Variants in MACROD2 observed in about 807,000 individuals in gnomAD.
MACROD2 encodes ADP-ribose glycohydrolase MACROD2.
MACROD2 carries 36 observed loss-of-function variants against 70.4 expected under a neutral mutation model. That is an observed-to-expected ratio of 0.51 (90% CI 0.39 to 0.68). The LOEUF is 0.68. Ranked by LOEUF, MACROD2 falls within the 30% of genes least tolerant of loss-of-function variation. The pLI, the probability that MACROD2 is intolerant of heterozygous loss-of-function variation, is 0.00. For missense variants in MACROD2, 496 were observed against 538.4 expected (o/e 0.92, Z 0.78); for synonymous variants, 172 against 178.8 (o/e 0.96, Z 0.30).
intron 3 of MACROD2, among the ~76,000 whole-genome samples, chr20:14,311,193 T>C (rs1397026528): frequency 1.3e-5 from 2 of 152,176 alleles, no homozygotes. Context: ...TCCTCCAAGC[T>C]CCATTTGTGG....
chr20:15,221,949 G>A (rs1016268447), intron 5 of MACROD2, among the ~76,000 whole-genome samples: 1 of 152,150 alleles, frequency 6.6e-6, no homozygotes, highest in Non-Finnish European at 1.5e-5. Flanking sequence ...TAGTTGCTGT[G>A]TATGTAACCT....
intron 4 of MACROD2, among the ~76,000 whole-genome samples, chr20:14,639,258 AT>A (rs774726455): frequency 5.9e-5 from 9 of 151,938 alleles, no homozygotes; most frequent in African/African-American, 1.7e-4. Context: ...AGTAAGCTTA[AT>A]TTTTTTTAAT....
chr20:15,739,304 A>G (rs549874418), intron 8 of MACROD2, among the ~76,000 whole-genome samples: 5 of 152,328 alleles, frequency 3.3e-5, no homozygotes, highest in African/African-American at 4.8e-5. Flanking sequence ...CCCTTTCACA[A>G]TTGTAAATAA....
chr20:14,991,379 G>C (rs1238223702), intron 5 of MACROD2, among the ~76,000 whole-genome samples: 1 of 151,958 alleles, frequency 6.6e-6, no homozygotes, highest in Non-Finnish European at 1.5e-5. Context: ...ATTACAGTGA[G>C]AAAAATAAGA....
chr20:15,215,896 CT>C (rs1390414936), intron 5 of MACROD2, among the ~76,000 whole-genome samples: 1 of 151,998 alleles, frequency 6.6e-6, no homozygotes, highest in African/African-American at 2.4e-5. Context: ...CAAGGAAATA[CT>C]CTATAATGTA....
intron 7 of MACROD2, among the ~76,000 whole-genome samples, chr20:15,452,388 C>T (rs1203332289): frequency 6.6e-6 from 1 of 151,828 alleles, no homozygotes; most frequent in Non-Finnish European, 1.5e-5. Context: ...TGAAAGGTGA[C>T]CCAAAAAAAG....
intron 3 of MACROD2, among the ~76,000 whole-genome samples, chr20:14,348,268 C>CAAAAA (rs545110146): frequency 1.2e-4 from 9 of 73,982 alleles, no homozygotes; most frequent in Non-Finnish European, 1.9e-4. Flanking sequence ...GACTCCGTCT[C>CAAAAA]AAAAAAAAAA....
At chr20:14,368,550 A>G (rs2083293881) in intron 3 of MACROD2, among the ~76,000 whole-genome samples, 1 of 152,008 alleles carries the variant, frequency 6.6e-6, no homozygotes, top group Non-Finnish European at 1.5e-5. Context: ...CTCAAAAAAA[A>G]AACACACACA....
intron 8 of MACROD2, among the ~76,000 whole-genome samples, chr20:15,840,605 A>G (rs2064159854): frequency 6.6e-6 from 1 of 152,202 alleles, no homozygotes; most frequent in African/African-American, 2.4e-5. Flanking sequence ...GATGTAAAGG[A>G]CAAAATATTA....
rs144717614 is a variant in MACROD2, at chr20:14,100,426, TTAA to T, written c.271+14703_271+14705del. 7.7e-3 allele frequency among the ~76,000 whole-genome samples: 1,160 copies of T among 150,548 alleles called. 15 individuals carry two copies. Among genetic ancestry groups the T allele is most frequent in the African/African-American group, 0.026 (1,072 of 41,324 alleles). On this transcript the variant is annotated intron_variant, in intron 3 of 17. Coordinates refer to ENST00000684519, the MANE Select transcript of MACROD2 (RefSeq NM_001351661.2). Reference sequence around the variant, plus strand: ...AAGATTCGTCTAATTTCTTATAGTATTAATAATTTAAAGATATATCACATTAAT... The same window carrying T: ...AAGATTCGTCTAATTTCTTATAGTATTAATTTAAAGATATATCACATTAAT...
intron 5 of MACROD2, among the ~76,000 whole-genome samples, chr20:14,883,103 C>T (rs1431174140): frequency 6.6e-6 from 1 of 152,146 alleles, no homozygotes; most frequent in Admixed American, 6.5e-5. Flanking sequence ...ATTGACCTAA[C>T]ATGTTTTAAA....
chr20:15,477,433 T>C (rs1447851592), intron 7 of MACROD2, among the ~76,000 whole-genome samples: 1 of 152,186 alleles, frequency 6.6e-6, no homozygotes, highest in East Asian at 1.9e-4. Context: ...TGAGGTTTTT[T>C]TTCATCAGAT....
intron 10 of MACROD2, among the ~76,000 whole-genome samples, chr20:15,920,087 A>G (rs2065379985): frequency 6.6e-6 from 1 of 152,218 alleles, no homozygotes; most frequent in Non-Finnish European, 1.5e-5. Context: ...AATAAAAGTA[A>G]TTTACCCTAA....
intron 7 of MACROD2, among the ~76,000 whole-genome samples, chr20:15,484,774 T>C (rs763129560): frequency 2.0e-5 from 3 of 152,182 alleles, no homozygotes; most frequent in Non-Finnish European, 2.9e-5. Flanking sequence ...ATGGATCCCC[T>C]TGGAGTTTCC....
chr20:14,860,762 C>T (rs941461992), intron 5 of MACROD2, among the ~76,000 whole-genome samples: 29 of 152,112 alleles, frequency 1.9e-4, no homozygotes, highest in African/African-American at 7.0e-4. Context: ...CCTAAGCAAA[C>T]ACTGTGACTA....
intron 5 of MACROD2, among the ~76,000 whole-genome samples, chr20:15,028,906 A>G (rs1216418148): frequency 6.6e-6 from 1 of 152,218 alleles, no homozygotes; most frequent in Admixed American, 6.5e-5. Flanking sequence ...TGGGCAAGGA[A>G]GAACAAGATC....
At chr20:15,928,634 A>G (rs950808545) in intron 10 of MACROD2, among the ~76,000 whole-genome samples, 3 of 152,224 alleles carry the variant, frequency 2.0e-5, no homozygotes, top group Non-Finnish European at 4.4e-5. Context: ...AACCTGCCTC[A>G]TGCAGTTTTT....
Position 14,250,224 on chromosome 20 carries a change from A to C in MACROD2, c.271+164496A>C, listed in dbSNP as rs148671654. On this transcript the variant is annotated intron_variant, in intron 3 of 17. Transcript: ENST00000684519. ...GCTGTATGTGGGCGCAGTTGAGAGG[A>C]TGTACTGTCCCACCTTTCTGATAAA... is the stretch of plus-strand genomic sequence containing the variant. Among the ~76,000 whole-genome samples the C allele has an allele frequency of 3.4e-3, 518 of 151,960 alleles. 3 individuals are homozygous for C. Among genetic ancestry groups the C allele is most frequent in the African/African-American group, 0.012 (488 of 41,416 alleles).
intron 3 of MACROD2, among the ~76,000 whole-genome samples, chr20:14,389,703 T>C (rs2083507202): frequency 6.6e-6 from 1 of 152,214 alleles, no homozygotes; most frequent in African/African-American, 2.4e-5. Flanking sequence ...CAATGGCAAA[T>C]GGCACCATGT....
Sources: allele counts gnomAD v4.1 joint callset (sites outside exome capture counted in the v4.1 genomes callset), GRCh38; gene constraint gnomAD v4.1.1; transcripts MANE v1.5; gene names NCBI Gene and HGNC (gene_info 2026-07-23, HGNC 2026-07-21).